Variants in ADNP2 observed in about 807,000 individuals in gnomAD.
The protein encoded by ADNP2 is ADNP homeobox 2.
Under a neutral mutation model 16.4 loss-of-function variants are expected in ADNP2, and 8 were observed. The observed-to-expected ratio is 0.49, with a 90% CI of 0.29 to 0.88. The LOEUF (loss-of-function observed/expected upper bound fraction) is 0.88, where lower values mean the gene tolerates loss of function less well. ADNP2 is among the 40% of genes least tolerant of loss of function. The pLI is 0.09. For synonymous variants in ADNP2, 637 were observed against 545.8 expected (o/e 1.17, Z -2.33); for missense variants, 1,397 against 1,395.1 (o/e 1.00, Z -0.02).
intron 2 of ADNP2, among the ~76,000 whole-genome samples, chr18:80,128,434 G>A (rs1367028432): frequency 8.5e-5 from 13 of 152,254 alleles, no homozygotes; most frequent in Non-Finnish European, 1.2e-4. Flanking sequence ...GATGGATCAC[G>A]AGGTCAGGAG....
intron 1 of ADNP2, among the ~76,000 whole-genome samples, chr18:80,113,963 G>A (rs1422405108): frequency 1.3e-5 from 2 of 152,098 alleles, no homozygotes; most frequent in Non-Finnish European, 2.9e-5. Context: ...GGCTGACGGG[G>A]AGGATTGCTT....
intron 2 of ADNP2, 117 bp from the exon 3 acceptor site, chr18:80,132,986 G>A: frequency 5.3e-6 from 4 of 754,108 alleles, no homozygotes; most frequent in Non-Finnish European, 8.8e-6. Flanking sequence ...CTCCCAAAGT[G>A]CTGGGATTAC....
In ADNP2 at chr18:80,137,010, C is replaced by T; in HGVS notation, c.1597C>T (p.Pro533Ser). 1 of 1,614,120 alleles carries T rather than the reference C, an allele frequency of 6.2e-7. No individual in the cohort carries two copies. Among genetic ancestry groups the T allele is most frequent in the African/African-American group, 1.3e-5 (1 of 75,036 alleles). Reference sequence around the variant, plus strand: ...GACAGTCTCCTCCTCAGCTGTTGTGCCTGTAAACCAGGGTGTGAATTCTGG... The same window carrying T: ...GACAGTCTCCTCCTCAGCTGTTGTGTCTGTAAACCAGGGTGTGAATTCTGG... ...NQTVSSSAVV[P>S]VNQGVNSGVL... Residue 533 changes from proline to serine, a missense_variant, in exon 4 of 4, where the codon CCT (proline) becomes TCT (serine). Pro to Ser is a moderately conservative substitution (Grantham distance 74). Coordinates refer to ENST00000262198, the MANE Select transcript of ADNP2 (RefSeq NM_014913.4). The surrounding 1 kb of genome is among the most constrained non-coding windows in gnomAD (Gnocchi z 4.2).
chr18:80,114,007 T>C (rs954186600), intron 1 of ADNP2, among the ~76,000 whole-genome samples: 2 of 151,894 alleles, frequency 1.3e-5, no homozygotes, highest in African/African-American at 4.8e-5. Context: ...CTGGGTAACA[T>C]AGGGAGACCC....
At chr18:80,111,708 AT>A (rs1229619417) in intron 1 of ADNP2, among the ~76,000 whole-genome samples, 1 of 151,630 alleles carries the variant, frequency 6.6e-6, no homozygotes, top group Non-Finnish European at 1.5e-5. Context: ...GACCCAGCCA[AT>A]TTTTTGGTAA....
rs563263582 is a variant in ADNP2, at chr18:80,140,062, T to G, written c.*1253T>G. 1.3e-5 allele frequency: 2 copies of G among 152,322 alleles called. No individual in the cohort carries two copies. Among genetic ancestry groups the G allele is most frequent in the East Asian group, 3.9e-4 (2 of 5,192 alleles). 9.4% of individuals were successfully genotyped at this position (152,322 alleles called of 1,614,324 possible). A position where few individuals can be genotyped will look rare whatever the true frequency, so the allele number is the denominator to read the frequency against. On this transcript the variant is annotated 3_prime_UTR_variant, in exon 4 of 4. Coordinates refer to ENST00000262198, the MANE Select transcript of ADNP2 (RefSeq NM_014913.4). ...GCCAGTTTAGATGGTAAGTCATATT[T>G]CTGGTGGTACACAGCAGAGGAACCC...
intron 2 of ADNP2, among the ~76,000 whole-genome samples, chr18:80,132,593 T>TTC (rs1568413474): frequency 1.1e-4 from 17 of 151,864 alleles, no homozygotes; most frequent in African/African-American, 4.1e-4. Context: ...CCTTCCTTCC[T>TTC]CTCTTTTCTC....
intron 1 of ADNP2, among the ~76,000 whole-genome samples, chr18:80,115,031 C>G (rs895542171): frequency 6.6e-6 from 1 of 152,132 alleles, no homozygotes. Context: ...CTTGATTGGT[C>G]AAGGCAGCCA....
rs140720109 is a variant in ADNP2 at position 80,136,715 on chromosome 18, G to T, written c.1302G>T (p.Ser434=). 1 of 1,613,246 alleles carries T rather than the reference G, an allele frequency of 6.2e-7. No homozygotes were observed. Among genetic ancestry groups the T allele is most frequent in the Non-Finnish European group, 8.5e-7 (1 of 1,179,586 alleles). Residue 434 remains serine, a synonymous_variant, in exon 4 of 4, where the codon TCG becomes TCT. Coordinates refer to ENST00000262198, the MANE Select transcript of ADNP2 (RefSeq NM_014913.4). The stretch of plus-strand genomic sequence containing the variant: ...CCCCTGGGGTCCTGCAGGCTGTCTC[G>T]CCAGGGGTGCTTTCTGTGAGTCGGG... The part of the protein sequence containing the change: ...SVTPGVLQAV[S]PGVLSVSRAV...
chr18:80,134,853 AT>A, intron 3 of ADNP2, among the ~76,000 whole-genome samples: 1 of 152,126 alleles, frequency 6.6e-6, no homozygotes, highest in African/African-American at 2.4e-5. Flanking sequence ...CAGATAGTTT[AT>A]TGGGTACCTG....
In ADNP2 at chr18:80,138,330, A is replaced by T. The variant is rs755365182; in HGVS notation, c.2917A>T (p.Ser973Cys). ...LVSGEVMHDS[S>C]FSVKRKLPDG... Reference sequence around the variant, plus strand: ...CAGTGGTGAAGTGATGCATGATTCCAGTTTTTCTGTTAAGAGAAAGCTGCC... The same window carrying T: ...CAGTGGTGAAGTGATGCATGATTCCTGTTTTTCTGTTAAGAGAAAGCTGCC... The change falls in exon 4 of 4, where the codon AGT (serine) becomes TGT (cysteine). Residue 973 changes from serine (S) to cysteine (C), a missense_variant. Ser to Cys is a moderately radical substitution (Grantham distance 112). Transcript: ENST00000262198. 5.0e-6 allele frequency: 8 copies of T among 1,614,122 alleles called. 1 individual carries two copies. The South Asian group carries it at 8.8e-5, about 18-fold the overall frequency.
Position 80,138,281 on chromosome 18 carries a change from T to C in ADNP2, c.2868T>C (p.Ile956=), listed in dbSNP as rs763562399. 1.9e-6 allele frequency: 3 copies of C among 1,614,166 alleles called. No homozygotes were observed. The highest frequency in any genetic ancestry group is 1.7e-6 in the Non-Finnish European group (2 of 1,180,048). ...ACCTGCAGGCCCAGCCGGGTTTTAT[T>C]CACAACAGTGAACTGCTTTTAGTCA... is the stretch of plus-strand genomic sequence containing the variant. The part of the protein sequence containing the change: ...SSDLQAQPGF[I]HNSELLLVSG... The change falls in exon 4 of 4, where the codon ATT becomes ATC. Residue 956 remains isoleucine, a synonymous_variant. Transcript: ENST00000262198.
At position 80,138,808 on chromosome 18, in the gene ADNP2, A is replaced by G. The variant is rs747939571; in HGVS notation, c.3395A>G (p.Ter1132=). 2.0e-5 allele frequency: 29 copies of G among 1,418,336 alleles called. No individual in the cohort carries two copies. Among genetic ancestry groups the G allele is most frequent in the Non-Finnish European group, 2.1e-5 (23 of 1,096,824 alleles). The allele number at this position is 1,418,336 out of a possible 1,614,324, so 87.9% of individuals were successfully genotyped here. ...AGATTGAACTTTGAATATGAACCATAAAACTTGCAAAAAAAAAAAAAAGTA... is the reference window on the plus strand; with the variant it reads ...AGATTGAACTTTGAATATGAACCATGAAACTTGCAAAAAAAAAAAAAAGTA... ...KHRLNFEYEP[*] Residue 1132 remains the stop codon, a stop_retained_variant, in exon 4 of 4, where the codon TAA becomes TGA. Transcript: ENST00000262198.
At chr18:80,120,600 G>A (rs1375839684) in intron 2 of ADNP2, among the ~76,000 whole-genome samples, 5 of 151,954 alleles carry the variant, frequency 3.3e-5, no homozygotes, top group Non-Finnish European at 7.4e-5. Flanking sequence ...GCCTCCCAGA[G>A]TGGTGGGATT....
chr18:80,136,494 G>A lies in ADNP2; in HGVS notation c.1081G>A (p.Val361Ile). Residue 361 changes from valine (V) to isoleucine (I), a missense_variant, in exon 4 of 4, where the codon GTT (valine) becomes ATT (isoleucine). Physicochemically the swap from Val to Ile is conservative, Grantham distance 29. Transcript: ENST00000262198. ...APQPVFLSHGVPLHQSVNPPV... is the reference protein window; with the variant it reads ...APQPVFLSHGIPLHQSVNPPV... ...TCAGCCCGTCTTTCTTTCTCACGGG[G>A]TTCCACTTCATCAGTCTGTGAATCC... 6.2e-7 allele frequency: 1 copy of A among 1,614,142 alleles called. No homozygotes were observed. Among genetic ancestry groups the A allele is most frequent in the Admixed American group, 1.7e-5 (1 of 60,024 alleles).
In ADNP2 at chr18:80,137,904, AAGG is replaced by A; in HGVS notation, c.2494_2496del (p.Glu832del). 1 of 1,613,922 alleles carries A rather than the reference AAGG, an allele frequency of 6.2e-7. No homozygotes were observed. On this transcript the variant is annotated inframe_deletion, in exon 4 of 4. Coordinates refer to ENST00000262198, the MANE Select transcript of ADNP2 (RefSeq NM_014913.4). The surrounding 1 kb of genome is among the most constrained non-coding windows in gnomAD (Gnocchi z 4.2). ...CCTTGATTTCATCACCATATTGCCAAAGGAGAAGCTTGGGGAGCGGGAAGTCTA... is the reference window on the plus strand; with the variant it reads ...CCTTGATTTCATCACCATATTGCCAAAGAAGCTTGGGGAGCGGGAAGTCTA...
In ADNP2 at chr18:80,137,277, G is replaced by C; in HGVS notation, c.1864G>C (p.Val622Leu). ...IPTYTLAPVS[V>L]TLPVPPGGLA... ...AACCTACACGCTGGCCCCCGTGTCT[G>C]TCACTCTGCCGGTTCCCCCTGGAGG... Residue 622 changes from valine (V) to leucine (L), a missense_variant, in exon 4 of 4, where the codon GTC becomes CTC. Around this residue, in one of 3 missense-constraint regions of ADNP2, gnomAD observed 611 missense variants for 648.7 expected, o/e 0.94. Coordinates refer to ENST00000262198, the MANE Select transcript of ADNP2 (RefSeq NM_014913.4). This position sits in a 1 kb window ranked among gnomAD's most constrained non-coding sequence, Gnocchi z 4.2. 6.2e-7 allele frequency: 1 copy of C among 1,614,162 alleles called. No individual in the cohort carries two copies. The highest frequency in any genetic ancestry group is 8.5e-7 in the Non-Finnish European group (1 of 1,180,046).
chr18:80,137,893 C>A lies in ADNP2; in HGVS notation c.2480C>A (p.Thr827Asn), dbSNP rs1264080853. The change falls in exon 4 of 4, where the codon ACC becomes AAC. Residue 827 changes from threonine (T) to asparagine (N), a missense_variant. Physicochemically the swap from Thr to Asn is moderately conservative, Grantham distance 65 (BLOSUM62 0). Coordinates refer to ENST00000262198, the MANE Select transcript of ADNP2 (RefSeq NM_014913.4). The surrounding 1 kb of genome is among the most constrained non-coding windows in gnomAD (Gnocchi z 4.2). ...CTCTTTCCCCACCTTGATTTCATCA[C>A]CATATTGCCAAAGGAGAAGCTTGGG... ...NLLFPHLDFI[T>N]ILPKEKLGER... The A allele has an allele frequency of 1.9e-5, 30 of 1,614,048 alleles. No individual in the cohort carries two copies. In the East Asian group the frequency reaches 6.2e-4, roughly 34 times the overall value.
Position 80,138,811 on chromosome 18 carries a change from A to T in ADNP2, c.*2A>T. On this transcript the variant is annotated 3_prime_UTR_variant, in exon 4 of 4. Coordinates refer to ENST00000262198, the MANE Select transcript of ADNP2 (RefSeq NM_014913.4). ...TTGAACTTTGAATATGAACCATAAA[A>T]CTTGCAAAAAAAAAAAAAAGTAACT... 14 of 1,391,526 alleles carry T rather than the reference A, an allele frequency of 1.0e-5. No individual in the cohort carries two copies. Among genetic ancestry groups the T allele is most frequent in the Non-Finnish European group, 1.3e-5 (14 of 1,078,514 alleles). 86.2% of individuals were successfully genotyped at this position (1,391,526 alleles called of 1,614,324 possible).
Sources: allele counts gnomAD v4.1 joint callset (sites outside exome capture counted in the v4.1 genomes callset), GRCh38; gene constraint gnomAD v4.1.1; regional missense constraint gnomAD v4.1.1; non-coding constraint Gnocchi (gnomAD v3.1); transcripts MANE v1.5; gene names NCBI Gene and HGNC (gene_info 2026-07-23, HGNC 2026-07-21).